The following GALNT13 variants were observed in gnomAD, a reference collection of about 807,000 sequenced individuals.
The protein encoded by GALNT13 is polypeptide N-acetylgalactosaminyltransferase 13.
A neutral mutation model predicts 64.2 loss-of-function variants in GALNT13; 28 were observed. The ratio of observed to expected loss-of-function variants is 0.44; its 90% CI spans 0.32 to 0.60. GALNT13 has a LOEUF of 0.60. Among genes scored for constraint, GALNT13 ranks in the 20% least tolerant of loss-of-function variants. The probability of loss-of-function intolerance (pLI) is 0.05; values close to 1 mark genes in which losing one functional copy is unlikely to be tolerated. For missense variants in GALNT13, 577 were observed against 669.8 expected, an observed-to-expected ratio of 0.86 and a Z score of 1.53; for synonymous variants, 214 against 224.6, an observed-to-expected ratio of 0.95 and a Z score of 0.42.
the GALNT13 span, among the ~76,000 whole-genome samples, chr2:153,243,038 G>A: frequency 2.0e-5 from 3 of 152,194 alleles, no homozygotes; most frequent in African/African-American, 4.8e-5. Flanking sequence ...TACTTTAAGG[G>A]ATGGCTAATA....
At chr2:153,507,335 G>A in the GALNT13 span, among the ~76,000 whole-genome samples, 1 of 151,958 alleles carries the variant, frequency 6.6e-6, no homozygotes, top group Non-Finnish European at 1.5e-5. Flanking sequence ...AGGCTGGAGT[G>A]CAGTGTGCTA....
the GALNT13 span, among the ~76,000 whole-genome samples, chr2:153,576,919 CTT>C: frequency 6.6e-6 from 1 of 151,942 alleles, no homozygotes; most frequent in African/African-American, 2.4e-5. Flanking sequence ...TTTTTTATAT[CTT>C]GTTTAAAAAT....
intron 9 of GALNT13, among the ~76,000 whole-genome samples, chr2:154,329,166 C>T (rs893243052): frequency 3.3e-5 from 5 of 152,068 alleles, no homozygotes; most frequent in South Asian, 4.1e-4. Context: ...AGTGCAATGG[C>T]GCAATCTCGG....
At chr2:153,713,141 TA>T in the GALNT13 span, among the ~76,000 whole-genome samples, 1 of 152,186 alleles carries the variant, frequency 6.6e-6, no homozygotes, top group African/African-American at 2.4e-5. Flanking sequence ...AGTTTATATA[TA>T]TGTTAAATAT....
At chr2:153,651,016 G>A in the GALNT13 span, among the ~76,000 whole-genome samples, 17 of 152,026 alleles carry the variant, frequency 1.1e-4, no homozygotes, top group African/African-American at 2.9e-4. Context: ...AGAAAATTTC[G>A]CAGACCAATG....
At chr2:153,511,769 G>T in the GALNT13 span, among the ~76,000 whole-genome samples, 1 of 152,174 alleles carries the variant, frequency 6.6e-6, no homozygotes, top group Non-Finnish European at 1.5e-5. Flanking sequence ...TTTTATGGGT[G>T]AGTATAAAGA....
intron 4 of GALNT13, among the ~76,000 whole-genome samples, chr2:154,147,815 G>A (rs1254874860): frequency 2.0e-5 from 3 of 150,810 alleles, no homozygotes; most frequent in Non-Finnish European, 4.4e-5. Context: ...CTTGAGTTAT[G>A]TAGGCCTGAA....
the GALNT13 span, among the ~76,000 whole-genome samples, chr2:153,184,041 G>T: frequency 6.6e-6 from 1 of 152,072 alleles, no homozygotes; most frequent in South Asian, 2.1e-4. Flanking sequence ...GAATTGAATT[G>T]AATTTATAAA....
intron 8 of GALNT13, among the ~76,000 whole-genome samples, chr2:154,269,906 G>GTGTATATATATATATATATATATATATA (rs529424469): frequency 0.023 from 2,265 of 96,578 alleles, 190 homozygotes; most frequent in Admixed American, 0.039. Flanking sequence ...ATATATATGT[G>GTGTATATATATATATATATATATATATA]TATATATATA....
intron 9 of GALNT13, among the ~76,000 whole-genome samples, chr2:154,306,208 T>C (rs1693722918): frequency 6.6e-6 from 1 of 152,076 alleles, no homozygotes; most frequent in African/African-American, 2.4e-5. Context: ...ACATGCAGGT[T>C]TGTTACATAG....
intron 3 of GALNT13, among the ~76,000 whole-genome samples, chr2:153,981,791 A>T (rs1436464933): frequency 6.6e-6 from 1 of 151,844 alleles, no homozygotes; most frequent in East Asian, 1.9e-4. Context: ...GGCTTTCAGA[A>T]TTTTTTCTAG....
chr2:154,130,655 G>A (rs1308230485), intron 3 of GALNT13, among the ~76,000 whole-genome samples: 1 of 151,876 alleles, frequency 6.6e-6, no homozygotes, highest in East Asian at 1.9e-4. Flanking sequence ...ATTTTATGAA[G>A]GTTTATAATA....
the GALNT13 span, among the ~76,000 whole-genome samples, chr2:153,494,698 G>A: frequency 6.6e-6 from 1 of 151,892 alleles, no homozygotes; most frequent in Non-Finnish European, 1.5e-5. Flanking sequence ...CTTAATGTAG[G>A]CAAAGGTTTC....
chr2:153,836,892 T>G, the GALNT13 span, among the ~76,000 whole-genome samples: 1 of 152,134 alleles, frequency 6.6e-6, no homozygotes, highest in Non-Finnish European at 1.5e-5. Flanking sequence ...CACATTTTCT[T>G]AATCCAGTCT....
At chr2:153,511,345 T>G in the GALNT13 span, among the ~76,000 whole-genome samples, 21 of 151,628 alleles carry the variant, frequency 1.4e-4, no homozygotes, top group African/African-American at 4.6e-4. Context: ...TCCTATAGAT[T>G]AGGCGTGATT....
At chr2:154,118,762 A>G (rs990834358) in intron 3 of GALNT13, among the ~76,000 whole-genome samples, 3 of 152,076 alleles carry the variant, frequency 2.0e-5, no homozygotes, top group Non-Finnish European at 4.4e-5. Flanking sequence ...GTTGTTTACT[A>G]GAACATCCTG....
intron 3 of GALNT13, among the ~76,000 whole-genome samples, chr2:153,958,903 C>T (rs1692753624): frequency 6.6e-6 from 1 of 152,094 alleles, no homozygotes; most frequent in Admixed American, 6.5e-5. Context: ...AGTGGAGACA[C>T]CAAAAACAAA....
At chr2:153,879,127 G>C (rs574574700) in intron 1 of GALNT13, among the ~76,000 whole-genome samples, 61 of 152,264 alleles carry the variant, frequency 4.0e-4, no homozygotes, top group South Asian at 1.9e-3. Flanking sequence ...TCACTTAACA[G>C]ATTTATTTAA....
chr2:154,011,312 T>C (rs1375220922), intron 3 of GALNT13, among the ~76,000 whole-genome samples: 2 of 152,182 alleles, frequency 1.3e-5, no homozygotes, highest in African/African-American at 4.8e-5. Context: ...AATTCTTGAT[T>C]TCTGCCTTAA....
Sources: allele counts gnomAD v4.1 joint callset (sites outside exome capture counted in the v4.1 genomes callset), GRCh38; gene constraint gnomAD v4.1.1; transcripts MANE v1.5; gene names NCBI Gene and HGNC (gene_info 2026-07-23, HGNC 2026-07-21).